FOCAD: variants seen among roughly 807,000 people sequenced by gnomAD.
The protein encoded by FOCAD is KIAA1797.
A neutral mutation model predicts 225.6 loss-of-function variants in FOCAD; 198 were observed. The ratio of observed to expected loss-of-function variants is 0.88; its 90% confidence interval spans 0.78 to 0.99. The LOEUF is 0.99. Among genes scored for constraint, FOCAD ranks in the 50% least tolerant of loss-of-function variants. The pLI, the probability that FOCAD is intolerant of heterozygous loss-of-function variation, is 0.00. For missense variants in FOCAD, 2,713 were observed against 2,123.6 expected, an observed-to-expected ratio of 1.28 and a Z score of -5.46; for synonymous variants, 897 against 755.0, an observed-to-expected ratio of 1.19 and a Z score of -3.08.
At chr9:20,705,044 A>T (rs942830528) in intron 1 of FOCAD, among the ~76,000 whole-genome samples, 9 of 152,194 alleles carry the variant, frequency 5.9e-5, no homozygotes, top group African/African-American at 1.9e-4. Context: ...TGGGAAAGTT[A>T]TCTAAATTTT....
At chr9:20,795,542 T>G (rs1820969376) in intron 11 of FOCAD, among the ~76,000 whole-genome samples, 1 of 152,004 alleles carries the variant, frequency 6.6e-6, no homozygotes, top group African/African-American at 2.4e-5. Context: ...TCCCAGCACT[T>G]TGGGAGGCCG....
intron 11 of FOCAD, among the ~76,000 whole-genome samples, chr9:20,816,997 T>C (rs1823792674): frequency 6.6e-6 from 1 of 152,144 alleles, no homozygotes; most frequent in African/African-American, 2.4e-5. Flanking sequence ...TTGCTATCCA[T>C]GGAATGAGGT....
chr9:20,792,314 A>G (rs1367653020), intron 11 of FOCAD, among the ~76,000 whole-genome samples: 1 of 152,196 alleles, frequency 6.6e-6, no homozygotes, highest in Non-Finnish European at 1.5e-5. Context: ...TAAAAGTGTA[A>G]ATAGTTTAAT....
In FOCAD at chr9:20,767,993, G is replaced by A. The variant is rs377182757; in HGVS notation, c.700-2039G>A. ...TTAAGTCTTTAATCCATCTTGAATT[G>A]ATTTTTGTATAAGGTGTAAGGAAGG... On this transcript the variant is annotated intron_variant, in intron 7 of 43. Transcript: ENST00000338382. Among the ~76,000 whole-genome samples, 4 of 151,972 alleles carry A rather than the reference G, an allele frequency of 2.6e-5. No individual in the cohort carries two copies. The East Asian group carries it at 5.8e-4, about 22-fold the overall frequency.
chr9:20,925,691 C>G (rs546021449), intron 25 of FOCAD, among the ~76,000 whole-genome samples: 9 of 152,044 alleles, frequency 5.9e-5, no homozygotes, highest in African/African-American at 1.4e-4. Flanking sequence ...CTTTAATAAC[C>G]AAGTTTTATT....
At chr9:20,671,901 A>G (rs1361585761) in intron 2 of FOCAD, among the ~76,000 whole-genome samples, 1 of 151,932 alleles carries the variant, frequency 6.6e-6, no homozygotes, top group African/African-American at 2.4e-5. Flanking sequence ...TTCAAATTCC[A>G]TATTCAGGGA....
At chr9:20,886,792 G>A (rs549894866) in intron 21 of FOCAD, among the ~76,000 whole-genome samples, 22 of 152,150 alleles carry the variant, frequency 1.4e-4, no homozygotes, top group Non-Finnish European at 2.8e-4. Flanking sequence ...CAAAGGCTGG[G>A]GGACCCATGA....
rs375438232 is a variant in FOCAD, at chr9:20,701,340, C to A, written c.-32-13982C>A. 1.6e-3 allele frequency among the ~76,000 whole-genome samples: 245 copies of A among 152,324 alleles called. 8 individuals are homozygous for A. In the South Asian group the frequency reaches 0.049, roughly 31 times the overall value. On this transcript the variant is annotated intron_variant, in intron 1 of 43. Coordinates refer to ENST00000338382, the MANE Select transcript of FOCAD (RefSeq NM_001375567.1). ...AGTGAACTCATGCACACACAAATTTCCCTGTCTCATTGAGCTGTGTTTTCA... is the reference window on the plus strand; with the variant it reads ...AGTGAACTCATGCACACACAAATTTACCTGTCTCATTGAGCTGTGTTTTCA...
intron 15 of FOCAD, among the ~76,000 whole-genome samples, chr9:20,826,259 C>T (rs1328571302): frequency 6.6e-6 from 1 of 152,038 alleles, no homozygotes; most frequent in East Asian, 1.9e-4. Context: ...TATTCAGCTG[C>T]CAGCATGACT....
At chr9:20,786,857 G>T in intron 10 of FOCAD, 2 of 175,544 alleles carry the variant, frequency 1.1e-5, no homozygotes, top group East Asian at 1.6e-4. Context: ...ATTTTTTATT[G>T]ATATATAATT....
intron 26 of FOCAD, among the ~76,000 whole-genome samples, chr9:20,927,345 C>T (rs77668516): frequency 1.3e-5 from 2 of 152,102 alleles, no homozygotes; most frequent in African/African-American, 2.4e-5. Flanking sequence ...CTCCCCACTT[C>T]TTGTTTTTGT....
chr9:20,696,802 T>TATGATA (rs1554654789), intron 1 of FOCAD, among the ~76,000 whole-genome samples: 1 of 150,876 alleles, frequency 6.6e-6, no homozygotes, highest in African/African-American at 2.4e-5. Context: ...GACTCTATCT[T>TATGATA]ATAATAATAA....
intron 32 of FOCAD, 50 bp from the exon 33 acceptor site, chr9:20,949,535 CACCGGGAATATAACTCTTA>C: frequency 9.0e-7 from 1 of 1,110,928 alleles, no homozygotes. Context: ...ATAGCTCATG[CACCGGGAATATAACTCTTA>C]ACTTTTTTAT....
At chr9:20,981,996 G>A (rs937383841) in intron 38 of FOCAD, among the ~76,000 whole-genome samples, 1 of 152,096 alleles carries the variant, frequency 6.6e-6, no homozygotes, top group Non-Finnish European at 1.5e-5. Flanking sequence ...CTTTACACCT[G>A]GAGAATCCGT....
At chr9:20,785,477 A>G (rs1819822336) in intron 10 of FOCAD, among the ~76,000 whole-genome samples, 2 of 152,098 alleles carry the variant, frequency 1.3e-5, no homozygotes, top group Admixed American at 1.3e-4. Flanking sequence ...CCTATTCTAG[A>G]CATTTCCTTC....
At position 20,986,295 on chromosome 9, in the gene FOCAD, TAGAAAAAGCTGCC is replaced by T; in HGVS notation, c.4737_4749del (p.Glu1580LeufsTer6). 1 of 1,543,720 alleles carries T rather than the reference TAGAAAAAGCTGCC, an allele frequency of 6.5e-7. No homozygotes were observed. ...TTTTTTTTTTTTTTGCAGAGCAACA[TAGAAAAAGCTGCC>T]TTTGTCAAACTGTACTTAGTCTCTC... On this transcript the variant is annotated frameshift_variant, in exon 40 of 44. Transcript: ENST00000338382. LOFTEE classifies it high-confidence loss of function.
chr9:20,978,543 C>A, intron 37 of FOCAD, 89 bp downstream of exon 37: 2 of 829,274 alleles, frequency 2.4e-6, no homozygotes, highest in South Asian at 4.8e-5. Flanking sequence ...TTCTCAAAGT[C>A]AAGAGGAGAC....
Position 20,990,176 on chromosome 9 carries a change from C to T in FOCAD, c.5058C>T (p.Asp1686=). ...CAACCGCAGTGGTTGCATGGGCTGA[C>T]CACACTGCCCCTCTCCTCCTCGGCC... ...IFATAVVAWA[D]HTAPLLLGLS... The change falls in exon 42 of 44, where the codon GAC becomes GAT. Residue 1686 remains aspartate (D), a synonymous_variant. Coordinates refer to ENST00000338382, the MANE Select transcript of FOCAD (RefSeq NM_001375567.1). The T allele has an allele frequency of 6.2e-7, 1 of 1,614,182 alleles. No individual in the cohort carries two copies. The highest frequency in any genetic ancestry group is 1.1e-5 in the South Asian group (1 of 91,088).
rs552691934 is a variant in FOCAD, at chr9:20,955,610, A to C, written c.4132+2545A>C. Among the ~76,000 whole-genome samples the C allele has an allele frequency of 1.3e-3, 198 of 150,654 alleles. 1 individual carries two copies. Among genetic ancestry groups the C allele is most frequent in the Admixed American group, 7.9e-3 (119 of 15,130 alleles). ...CCTCTATCAGATATATTGTTCCTTAATCTTTTGTCGTCATTATTATCTGTT... is the reference window on the plus strand; with the variant it reads ...CCTCTATCAGATATATTGTTCCTTACTCTTTTGTCGTCATTATTATCTGTT... On this transcript the variant is annotated intron_variant, in intron 35 of 43. Coordinates refer to ENST00000338382, the MANE Select transcript of FOCAD (RefSeq NM_001375567.1).
Sources: allele counts gnomAD v4.1 joint callset (sites outside exome capture counted in the v4.1 genomes callset), GRCh38; gene constraint gnomAD v4.1.1; transcripts MANE v1.5; gene names NCBI Gene and HGNC (gene_info 2026-07-23, HGNC 2026-07-21).